DGKB: variants seen among roughly 807,000 people sequenced by gnomAD.
DGKB encodes the protein diacylglycerol kinase beta, also known as 90 kDa diacylglycerol kinase.
A neutral mutation model predicts 114.3 loss-of-function variants in DGKB; 67 were observed. The ratio of observed to expected loss-of-function variants is 0.59; its 90% confidence interval spans 0.48 to 0.72. The LOEUF (loss-of-function observed/expected upper bound fraction) is 0.72, where lower values mean the gene tolerates loss of function less well. Among genes scored for constraint, DGKB ranks in the 30% least tolerant of loss-of-function variants. The probability of loss-of-function intolerance (pLI) is 0.00; values close to 1 mark genes in which losing one functional copy is unlikely to be tolerated. For synonymous variants in DGKB, 398 were observed against 323.1 expected, an observed-to-expected ratio of 1.23 and a Z score of -2.49; for missense variants, 907 against 975.2, an observed-to-expected ratio of 0.93 and a Z score of 0.93.
chr7:14,941,090 T>C (rs376601500), intron 1 of DGKB, among the ~76,000 whole-genome samples: 3 of 152,200 alleles, frequency 2.0e-5, no homozygotes, highest in Admixed American at 6.6e-5. Context: ...GACAGAGTTA[T>C]ATTTTTTCAT....
chr7:14,867,677 A>T (rs1285742152), intron 1 of DGKB, among the ~76,000 whole-genome samples: 1 of 152,176 alleles, frequency 6.6e-6, no homozygotes, highest in Non-Finnish European at 1.5e-5. Context: ...TCATATAAAT[A>T]TCCCTAATCA....
Position 14,564,300 on chromosome 7 carries a change from A to G in DGKB, c.1770+9912T>C, listed in dbSNP as rs555307117. 7.9e-5 allele frequency among the ~76,000 whole-genome samples: 12 copies of G among 152,212 alleles called. No individual in the cohort carries two copies. The South Asian group carries it at 2.5e-3, about 32-fold the overall frequency. ...AGTGGAAGTGCTGGACATTCAAACT[A>G]ACCTCTTCCTTCCTCTAAGTAAAGC... On this transcript the variant is annotated intron_variant, in intron 20 of 25. Coordinates refer to ENST00000402815, the MANE Select transcript of DGKB (RefSeq NM_001350709.2).
chr7:14,769,685 G>C (rs943441622), intron 2 of DGKB, among the ~76,000 whole-genome samples: 6 of 152,044 alleles, frequency 3.9e-5, no homozygotes, highest in African/African-American at 1.4e-4. Flanking sequence ...CCAGAGGTCT[G>C]AAATCAAGGT....
chr7:14,653,821 C>A, intron 13 of DGKB, among the ~76,000 whole-genome samples: 1 of 151,940 alleles, frequency 6.6e-6, no homozygotes, highest in East Asian at 1.9e-4. Flanking sequence ...ATTCATAAAT[C>A]TTCATCCTAA....
In DGKB at chr7:14,371,013, G is replaced by A. The variant is rs1377597485; in HGVS notation, c.1836-25622C>T. On this transcript the variant is annotated intron_variant, in intron 21 of 25. Transcript: ENST00000402815. ...ACATGATTTCATTCTTTTTATCACT[G>A]CATAGTATTCCTTGGCATATATATA... Among the ~76,000 whole-genome samples the A allele has an allele frequency of 3.3e-5, 5 of 152,054 alleles. No individual in the cohort carries two copies. The East Asian group carries it at 9.7e-4, about 29-fold the overall frequency.
intron 12 of DGKB, among the ~76,000 whole-genome samples, chr7:14,675,257 C>T (rs576370230): frequency 1.1e-4 from 16 of 152,106 alleles, no homozygotes; most frequent in Non-Finnish European, 1.5e-4. Context: ...TATGCCAACG[C>T]TGACTACAGA....
At chr7:14,648,880 G>C (rs1341601787) in intron 13 of DGKB, among the ~76,000 whole-genome samples, 1 of 133,840 alleles carries the variant, frequency 7.5e-6, no homozygotes, top group Non-Finnish European at 1.6e-5. Flanking sequence ...CGATCAACTG[G>C]AAGAAAGGGT....
intron 21 of DGKB, among the ~76,000 whole-genome samples, chr7:14,434,773 C>T (rs927761822): frequency 1.3e-5 from 2 of 151,954 alleles, no homozygotes; most frequent in Non-Finnish European, 2.9e-5. Flanking sequence ...ACCAGTAGGC[C>T]GTGTCTAGCG....
At chr7:14,249,690 G>C (rs1353390178) in intron 23 of DGKB, among the ~76,000 whole-genome samples, 3 of 151,812 alleles carry the variant, frequency 2.0e-5, no homozygotes, top group African/African-American at 7.3e-5. Context: ...TACTGTCTTT[G>C]CTTTCATTTC....
intron 23 of DGKB, among the ~76,000 whole-genome samples, chr7:14,213,110 TA>T (rs1422653123): frequency 6.7e-6 from 1 of 149,920 alleles, no homozygotes; most frequent in Non-Finnish European, 1.5e-5. Context: ...TCAATTTTTA[TA>T]AAAAAATGGT....
chr7:14,302,922 C>T lies in DGKB; in HGVS notation c.2122+35593G>A, dbSNP rs115934963. 7.7e-3 allele frequency among the ~76,000 whole-genome samples: 1,170 copies of T among 152,154 alleles called. 16 individuals are homozygous for T. The highest frequency in any genetic ancestry group is 0.027 in the African/African-American group (1,126 of 41,512). On this transcript the variant is annotated intron_variant, in intron 23 of 25. Transcript: ENST00000402815. ...CAGCACTAAATGAATCATAGGCCAA[C>T]GAAAATTATTTTGAGAAAAGACTTT...
chr7:14,390,585 T>C (rs972526571), intron 21 of DGKB, among the ~76,000 whole-genome samples: 2 of 152,214 alleles, frequency 1.3e-5, no homozygotes, highest in African/African-American at 4.8e-5. Context: ...ATTTTGTTGA[T>C]TTCTTAACAA....
intron 23 of DGKB, among the ~76,000 whole-genome samples, chr7:14,226,707 A>G (rs1328996146): frequency 6.6e-6 from 1 of 152,044 alleles, no homozygotes; most frequent in East Asian, 1.9e-4. Context: ...AATTTTTCAG[A>G]TAATTATCAA....
rs1414460459 is a variant in DGKB at position 14,555,928 on chromosome 7, A to G, written c.1770+18284T>C. On this transcript the variant is annotated intron_variant, in intron 20 of 25. Transcript: ENST00000402815. ...GTTTAGCATACAATAACAAATAACC[A>G]TAAAAATGGGCAACCAGCAGCCCTT... Among the ~76,000 whole-genome samples the G allele has an allele frequency of 2.6e-5, 4 of 152,254 alleles. No individual in the cohort carries two copies. The East Asian group carries it at 7.7e-4, about 29-fold the overall frequency.
At chr7:14,621,560 T>C in intron 14 of DGKB, 66 bp from the exon 15 acceptor site, 4 of 952,828 alleles carry the variant, frequency 4.2e-6, no homozygotes, top group Middle Eastern at 2.5e-4. Context: ...TGTTAAGTTG[T>C]TTTTACTAAT....
At chr7:14,254,487 C>A (rs1037648659) in intron 23 of DGKB, among the ~76,000 whole-genome samples, 4 of 152,104 alleles carry the variant, frequency 2.6e-5, no homozygotes, top group African/African-American at 2.4e-5. Flanking sequence ...AGTTTCAACT[C>A]AGATATACAC....
chr7:14,901,364 T>G (rs1051058298), intron 1 of DGKB, among the ~76,000 whole-genome samples: 1 of 152,202 alleles, frequency 6.6e-6, no homozygotes, highest in Non-Finnish European at 1.5e-5. Context: ...ACAGAGGATT[T>G]CAGAATTACT....
At chr7:14,352,274 G>C (rs1011058743) in intron 21 of DGKB, among the ~76,000 whole-genome samples, 1 of 151,942 alleles carries the variant, frequency 6.6e-6, no homozygotes, top group Non-Finnish European at 1.5e-5. Context: ...TGTAAGAAAA[G>C]GATGCACCCA....
At chr7:14,554,905 A>G (rs886973994) in intron 20 of DGKB, among the ~76,000 whole-genome samples, 5 of 152,096 alleles carry the variant, frequency 3.3e-5, no homozygotes, top group African/African-American at 1.2e-4. Flanking sequence ...ATTTTTGTTG[A>G]AAACATTTTT....
Sources: allele counts gnomAD v4.1 joint callset (sites outside exome capture counted in the v4.1 genomes callset), GRCh38; gene constraint gnomAD v4.1.1; transcripts MANE v1.5; gene names NCBI Gene and HGNC (gene_info 2026-07-23, HGNC 2026-07-21).